The following ELMOD2 variants were observed in gnomAD, a reference collection of about 807,000 sequenced individuals.
ELMOD2 encodes ELMO domain-containing protein 2.
ELMOD2 carries 28 observed loss-of-function variants against 41.0 expected under a neutral mutation model. The observed-to-expected ratio is 0.68, with a 90% confidence interval of 0.51 to 0.94. The LOEUF (loss-of-function observed/expected upper bound fraction) is 0.94. Ranked by LOEUF, ELMOD2 falls within the 40% of genes least tolerant of loss-of-function variation. The probability of loss-of-function intolerance (pLI) is 0.00; values close to 1 mark genes in which losing one functional copy is unlikely to be tolerated. For missense variants in ELMOD2, 333 were observed against 343.1 expected (o/e 0.97, Z 0.23); for synonymous variants, 106 against 107.2 (o/e 0.99, Z 0.07).
intron 4 of ELMOD2, 112 bp downstream of exon 4, chr4:140,535,942 A>T (rs1397741834): frequency 1.1e-6 from 1 of 923,834 alleles, no homozygotes; most frequent in Non-Finnish European, 1.6e-6. Flanking sequence ...AGATCATCTG[A>T]TTCAGCGCTC....
At chr4:140,534,349 A>C (rs141995307) in intron 3 of ELMOD2, among the ~76,000 whole-genome samples, 1 of 152,280 alleles carries the variant, frequency 6.6e-6, no homozygotes, top group Non-Finnish European at 1.5e-5. Context: ...GCATACAGCT[A>C]AGCTATGGTG....
At chr4:140,545,847 A>T (rs1183520448) in intron 8 of ELMOD2, among the ~76,000 whole-genome samples, 1 of 152,192 alleles carries the variant, frequency 6.6e-6, no homozygotes, top group East Asian at 1.9e-4. Context: ...CAAGTGCTGG[A>T]GAGGATGTGG....
At chr4:140,524,700 C>T (rs1734499338) in intron 1 of ELMOD2, 1 of 968,464 alleles carries the variant, frequency 1.0e-6, no homozygotes, top group Non-Finnish European at 1.2e-6. Flanking sequence ...AGGAAGGAGA[C>T]GAGCAATTTT....
chr4:140,542,670 A>G (rs754639087), intron 7 of ELMOD2, 28 bp downstream of exon 7: 2 of 1,499,286 alleles, frequency 1.3e-6, no homozygotes, highest in Non-Finnish European at 1.8e-6. Flanking sequence ...AAGAAGCCGT[A>G]ATCTCTTGCA....
intron 5 of ELMOD2, among the ~76,000 whole-genome samples, chr4:140,539,668 A>C (rs1235722670): frequency 6.7e-6 from 1 of 148,486 alleles, no homozygotes; most frequent in African/African-American, 2.4e-5. Flanking sequence ...TTAAATCCTC[A>C]TCATTAAAGA....
At chr4:140,532,870 A>G (rs1734795617) in intron 3 of ELMOD2, among the ~76,000 whole-genome samples, 1 of 152,368 alleles carries the variant, frequency 6.6e-6, no homozygotes, top group East Asian at 1.9e-4. Flanking sequence ...GAAAATCCTA[A>G]GAAATCTACA....
intron 4 of ELMOD2, 95 bp from the exon 5 acceptor site, chr4:140,537,317 A>G (rs936371586): frequency 3.5e-6 from 4 of 1,134,334 alleles, no homozygotes; most frequent in African/African-American, 3.3e-5. Context: ...GAAAGCCAGG[A>G]AATGCTTTCT....
intron 6 of ELMOD2, 154 bp from the exon 7 acceptor site, chr4:140,542,420 C>G (rs1219893857): frequency 2.0e-5 from 11 of 540,862 alleles, no homozygotes; most frequent in Non-Finnish European, 3.5e-5. Context: ...GATTCAGAAG[C>G]ATTTGTGAAT....
chr4:140,526,360 A>G (rs547279590), intron 2 of ELMOD2, among the ~76,000 whole-genome samples: 5 of 152,334 alleles, frequency 3.3e-5, no homozygotes, highest in Non-Finnish European at 7.3e-5. Flanking sequence ...TCTAAAATAC[A>G]TCAGTTTTCA....
intron 3 of ELMOD2, among the ~76,000 whole-genome samples, chr4:140,531,910 C>T (rs1396665172): frequency 6.6e-6 from 1 of 152,122 alleles, no homozygotes; most frequent in Non-Finnish European, 1.5e-5. Flanking sequence ...CTAATCTTGG[C>T]TTCACTAGTG....
intron 3 of ELMOD2, among the ~76,000 whole-genome samples, chr4:140,531,682 G>C (rs937357099): frequency 4.6e-5 from 7 of 152,048 alleles, no homozygotes; most frequent in African/African-American, 1.7e-4. Flanking sequence ...TTGCATTTTT[G>C]GGCCTCTACT....
At position 140,543,399 on chromosome 4, in the gene ELMOD2, T is replaced by A; in HGVS notation, c.603-54T>A. 1.9e-6 allele frequency: 3 copies of A among 1,547,384 alleles called. No individual in the cohort carries two copies. In the South Asian group the frequency reaches 3.8e-5, roughly 20 times the overall value. ...TACTAATTCCTAACATAATTTTAATTTATTTTATGAGTTATTTGGCTAGCT... is the reference window on the plus strand; with the variant it reads ...TACTAATTCCTAACATAATTTTAATATATTTTATGAGTTATTTGGCTAGCT... On this transcript the variant is annotated intron_variant, in intron 7 of 8. Coordinates refer to ENST00000323570, the MANE Select transcript of ELMOD2 (RefSeq NM_153702.4).
intron 3 of ELMOD2, among the ~76,000 whole-genome samples, chr4:140,528,714 A>G (rs1256253559): frequency 6.6e-6 from 1 of 152,182 alleles, no homozygotes; most frequent in Admixed American, 6.5e-5. Context: ...TCTGAAGAGT[A>G]ACCTTTAAAA....
chr4:140,529,687 G>C (rs986452515), intron 3 of ELMOD2, among the ~76,000 whole-genome samples: 9 of 152,126 alleles, frequency 5.9e-5, no homozygotes, highest in African/African-American at 2.2e-4. Flanking sequence ...TTTGCACCAG[G>C]TCTTCTGTTT....
intron 8 of ELMOD2, among the ~76,000 whole-genome samples, chr4:140,544,689 C>A (rs1228387600): frequency 2.0e-5 from 3 of 152,042 alleles, no homozygotes; most frequent in African/African-American, 7.2e-5. Context: ...TGGAGGCATC[C>A]CAGTCTTCTT....
chr4:140,531,193 A>G (rs1038626478), intron 3 of ELMOD2, among the ~76,000 whole-genome samples: 14 of 152,190 alleles, frequency 9.2e-5, no homozygotes, highest in African/African-American at 3.4e-4. Context: ...AGTGATTTTA[A>G]TCTATTCAGA....
chr4:140,537,639 C>A, intron 5 of ELMOD2, 98 bp downstream of exon 5: 1 of 1,425,998 alleles, frequency 7.0e-7, no homozygotes, highest in Non-Finnish European at 9.4e-7. Context: ...GCTTATATGG[C>A]TAGGCTTATA....
rs1735474447 is a variant in ELMOD2, at chr4:140,551,683, T to C, written c.*1308T>C. 1 of 152,096 alleles carries C rather than the reference T, an allele frequency of 6.6e-6. No individual in the cohort carries two copies. Among genetic ancestry groups the C allele is most frequent in the Non-Finnish European group, 1.5e-5 (1 of 67,942 alleles). 9.4% of individuals were successfully genotyped at this position (152,096 alleles called of 1,614,324 possible). A position where few individuals can be genotyped will look rare whatever the true frequency, so the allele number is the denominator to read the frequency against. On this transcript the variant is annotated 3_prime_UTR_variant, in exon 9 of 9. Transcript: ENST00000323570. ...AATTTCATCTAAAACATGACGATAT[T>C]TAGCACACCTTTTAATGTGGGTATA...
At chr4:140,525,354 A>G in intron 1 of ELMOD2, 66 bp from the exon 2 acceptor site, 1 of 1,476,866 alleles carries the variant, frequency 6.8e-7, no homozygotes, top group Non-Finnish European at 9.1e-7. Context: ...CAGTTGTATA[A>G]ACTTTTTAAA....
Sources: allele counts gnomAD v4.1 joint callset (sites outside exome capture counted in the v4.1 genomes callset), GRCh38; gene constraint gnomAD v4.1.1; transcripts MANE v1.5; gene names NCBI Gene and HGNC (gene_info 2026-07-23, HGNC 2026-07-21).